RERE: variants seen among roughly 807,000 people sequenced by gnomAD.
RERE encodes arginine-glutamic acid dipeptide repeats protein.
In RERE, 40 loss-of-function variants were observed where a neutral mutation model predicts 146.1. That is an observed-to-expected ratio of 0.27 (90% CI 0.21 to 0.36). The LOEUF is 0.36. Among genes scored for constraint, RERE ranks in the 10% least tolerant of loss-of-function variants. The pLI, the probability that RERE is intolerant of heterozygous loss-of-function variation, is 1.00. For missense variants in RERE, 1,933 were observed against 2,138.7 expected (o/e 0.90, Z 1.90); for synonymous variants, 1,003 against 866.0 (o/e 1.16, Z -2.78).
At chr1:8,421,184 C>G (rs1434847064) in intron 12 of RERE, among the ~76,000 whole-genome samples, 1 of 152,182 alleles carries the variant, frequency 6.6e-6, no homozygotes, top group Non-Finnish European at 1.5e-5. Context: ...AGAGCAGAGA[C>G]AGAGAACTTG....
chr1:8,539,092 C>G (rs1645764716), intron 7 of RERE, among the ~76,000 whole-genome samples: 1 of 152,124 alleles, frequency 6.6e-6, no homozygotes, highest in Non-Finnish European at 1.5e-5. Flanking sequence ...AAGACAAAAG[C>G]TACTTTAGTT....
intron 4 of RERE, among the ~76,000 whole-genome samples, chr1:8,614,228 G>A (rs562270117): frequency 5.0e-4 from 76 of 152,214 alleles, no homozygotes; most frequent in Non-Finnish European, 1.0e-3. Flanking sequence ...TTCCACACTT[G>A]AGCTCAAACT....
At chr1:8,556,439 C>G in intron 6 of RERE, 36 bp downstream of exon 6, 1 of 1,222,246 alleles carries the variant, frequency 8.2e-7, no homozygotes, top group Non-Finnish European at 1.2e-6. Flanking sequence ...TCAGTGACTC[C>G]TCCTTCACAT....
intron 11 of RERE, among the ~76,000 whole-genome samples, chr1:8,440,319 G>A (rs1644228905): frequency 6.6e-6 from 1 of 151,992 alleles, no homozygotes; most frequent in African/African-American, 2.4e-5. Flanking sequence ...TTTATGGCCA[G>A]GCACGGCTCA....
intron 12 of RERE, among the ~76,000 whole-genome samples, chr1:8,414,070 A>G (rs1643691922): frequency 6.7e-6 from 1 of 149,946 alleles, no homozygotes; most frequent in Non-Finnish European, 1.5e-5. Flanking sequence ...AAAAAAAAAA[A>G]AAAGAAATGA....
chr1:8,470,966 G>A (rs1181433644), intron 10 of RERE, among the ~76,000 whole-genome samples: 2 of 150,686 alleles, frequency 1.3e-5, no homozygotes, highest in African/African-American at 2.4e-5. Flanking sequence ...CTACAGGCGC[G>A]CCACCACACC....
chr1:8,379,773 T>A (rs1168477727), intron 12 of RERE, among the ~76,000 whole-genome samples: 1 of 152,172 alleles, frequency 6.6e-6, no homozygotes. Context: ...TTTGCAAAGA[T>A]GATGGGGCTA....
At chr1:8,376,552 C>T (rs1642264647) in intron 12 of RERE, among the ~76,000 whole-genome samples, 1 of 152,212 alleles carries the variant, frequency 6.6e-6, no homozygotes, top group African/African-American at 2.4e-5. Context: ...ATGAACCCTC[C>T]CCACCTCACT....
At chr1:8,643,761 T>C (rs1261602164) in intron 2 of RERE, among the ~76,000 whole-genome samples, 3 of 152,198 alleles carry the variant, frequency 2.0e-5, no homozygotes, top group East Asian at 1.9e-4. Context: ...TGTTAGCGTG[T>C]GCCTCTCTGG....
rs377692099 is a variant in RERE at position 8,358,560 on chromosome 1, C to T, written c.3975G>A (p.Pro1325=). The change falls in exon 20 of 23, where the codon CCG becomes CCA. Residue 1325 remains proline (P), a synonymous_variant. Transcript: ENST00000400908. ...RERELRERMK[P]GFEVKPPELD... ...GCTCTGGGGGCTTCACCTCGAAGCC[C>T]GGCTTCATCCTCTCCCGCAGCTCCC... 2.9e-5 allele frequency: 46 copies of T among 1,605,236 alleles called. No homozygotes were observed. The highest frequency in any genetic ancestry group is 2.0e-4 in the South Asian group (18 of 89,536).
At chr1:8,643,780 C>A (rs976280510) in intron 2 of RERE, among the ~76,000 whole-genome samples, 2 of 152,178 alleles carry the variant, frequency 1.3e-5, no homozygotes, top group African/African-American at 4.8e-5. Context: ...GGGGAGGGAA[C>A]CCCAGGGGAC....
intron 1 of RERE, chr1:8,787,036 C>T: frequency 1.8e-6 from 1 of 552,172 alleles, no homozygotes; most frequent in Non-Finnish European, 3.2e-6. Flanking sequence ...TGATGAAAAC[C>T]TTCCAGTGGC....
intron 1 of RERE, among the ~76,000 whole-genome samples, chr1:8,742,888 T>C (rs868618674): frequency 2.3e-4 from 34 of 147,336 alleles, no homozygotes; most frequent in Middle Eastern, 3.5e-3. Flanking sequence ...AAAAAAAAAG[T>C]ATAATCTTGA....
chr1:8,688,795 G>C (rs184524688), intron 1 of RERE, among the ~76,000 whole-genome samples: 1 of 152,298 alleles, frequency 6.6e-6, no homozygotes, highest in Admixed American at 6.5e-5. Flanking sequence ...ATTTATGTTA[G>C]ATGATTTTGC....
intron 8 of RERE, among the ~76,000 whole-genome samples, chr1:8,498,594 G>C (rs1374318227): frequency 6.6e-6 from 1 of 150,796 alleles, no homozygotes; most frequent in East Asian, 1.9e-4. Flanking sequence ...TACTTGGGAG[G>C]TTGAGGCAAG....
At chr1:8,773,001 C>T (rs1201841821) in intron 1 of RERE, among the ~76,000 whole-genome samples, 1 of 151,972 alleles carries the variant, frequency 6.6e-6, no homozygotes, top group East Asian at 1.9e-4. Context: ...GCGCAAGAAT[C>T]GCTTGAACCC....
At position 8,686,760 on chromosome 1, in the gene RERE, AT is replaced by A. The variant is rs1485345634; in HGVS notation, c.-144-30320del. Among the ~76,000 whole-genome samples the A allele has an allele frequency of 1.2e-4, 19 of 152,296 alleles. No homozygotes were observed. The South Asian group carries it at 3.5e-3, about 28-fold the overall frequency. Reference sequence around the variant, plus strand: ...AGCGAAACTCAGTCTCAAAAAAAAAATAAAGGTGTAGTTTGTGATGAAGACA... The same window carrying A: ...AGCGAAACTCAGTCTCAAAAAAAAAAAAAGGTGTAGTTTGTGATGAAGACA... On this transcript the variant is annotated intron_variant, in intron 1 of 22. Transcript: ENST00000400908.
intron 1 of RERE, among the ~76,000 whole-genome samples, chr1:8,671,223 T>C (rs1027688730): frequency 2.6e-5 from 4 of 152,234 alleles, no homozygotes; most frequent in Non-Finnish European, 4.4e-5. Flanking sequence ...TGGCAAAGAA[T>C]GCTTTGCAAT....
At chr1:8,386,006 ATATATATATATATATATTTTTTTTTTT>A (rs1354993909) in intron 12 of RERE, among the ~76,000 whole-genome samples, 3 of 38,274 alleles carry the variant, frequency 7.8e-5, no homozygotes, top group African/African-American at 1.1e-4. Flanking sequence ...ATATATATAT[ATATATATATATATATATTTTTTTTTTT>A]TTTTTTTTTT....
Sources: allele counts gnomAD v4.1 joint callset (sites outside exome capture counted in the v4.1 genomes callset), GRCh38; gene constraint gnomAD v4.1.1; transcripts MANE v1.5; gene names NCBI Gene and HGNC (gene_info 2026-07-23, HGNC 2026-07-21).